ARPP21: variants seen among roughly 807,000 people sequenced by gnomAD.
The protein encoded by ARPP21 is cAMP regulated phosphoprotein 21.
In ARPP21, 69 loss-of-function variants were observed where a neutral mutation model predicts 113.2. The ratio of observed to expected loss-of-function variants is 0.61; its 90% CI spans 0.50 to 0.74. The LOEUF (loss-of-function observed/expected upper bound fraction) is 0.74, where lower values mean the gene tolerates loss of function less well. Ranked by LOEUF, ARPP21 falls within the 30% of genes least tolerant of loss-of-function variation. ARPP21 has a pLI of 0.00. For synonymous variants in ARPP21, 368 were observed against 375.5 expected (o/e 0.98, Z 0.23); for missense variants, 1,070 against 1,037.4 (o/e 1.03, Z -0.43).
chr3:35,648,740 A>G (rs918270188), intron 1 of ARPP21, among the ~76,000 whole-genome samples: 1 of 152,192 alleles, frequency 6.6e-6, no homozygotes, highest in African/African-American at 2.4e-5. Context: ...TATTCAACAC[A>G]GGAGAAGGTG....
At position 35,738,289 on chromosome 3, in the gene ARPP21, C is replaced by A; in HGVS notation, c.1720C>A (p.Pro574Thr). The change falls in exon 17 of 21, where the codon CCT becomes ACT. Residue 574 changes from proline (P) to threonine (T), a missense_variant. By Grantham distance (38) the Pro-to-Thr change is conservative. Coordinates refer to ENST00000684406, the MANE Select transcript of ARPP21 (RefSeq NM_001385562.1). ...CTCTTTTCCTCCCCAGCACCTCCTA[C>A]CTGTGTCTCCAACGCAGCACTTTCC... ...AVSFPPQHLL[P>T]VSPTQHFPMR... 1 of 1,535,444 alleles carries A rather than the reference C, an allele frequency of 6.5e-7. No individual in the cohort carries two copies. Among genetic ancestry groups the A allele is most frequent in the Non-Finnish European group, 8.7e-7 (1 of 1,146,136 alleles).
At chr3:35,709,207 G>A (rs2090260347) in intron 11 of ARPP21, 137 bp downstream of exon 11, 1 of 647,820 alleles carries the variant, frequency 1.5e-6, no homozygotes, top group African/African-American at 1.8e-5. Flanking sequence ...AAAACTAGAG[G>A]TGATTTTGGA....
chr3:35,648,237 T>A (rs1437623849), intron 1 of ARPP21, among the ~76,000 whole-genome samples: 1 of 152,152 alleles, frequency 6.6e-6, no homozygotes, highest in African/African-American at 2.4e-5. Flanking sequence ...AGGGAAGAAA[T>A]GGTCTAATTC....
chr3:35,651,899 GT>G (rs1314194697), intron 1 of ARPP21: 3 of 151,998 alleles, frequency 2.0e-5, no homozygotes, highest in African/African-American at 7.2e-5. Context: ...ATTGGAATCC[GT>G]TTTCAACACA....
chr3:35,736,121 T>C (rs1015049643), intron 15 of ARPP21, among the ~76,000 whole-genome samples: 1 of 152,202 alleles, frequency 6.6e-6, no homozygotes, highest in Non-Finnish European at 1.5e-5. Context: ...TCTCACTTAC[T>C]GTTTTTTTAT....
chr3:35,683,910 A>T (rs2079742449), intron 5 of ARPP21, 95 bp downstream of exon 5: 1 of 999,116 alleles, frequency 1.0e-6, no homozygotes, highest in Admixed American at 1.8e-5. Flanking sequence ...TTTGGGGGAG[A>T]AAAATATAAT....
intron 19 of ARPP21, among the ~76,000 whole-genome samples, chr3:35,788,998 T>C (rs948197776): frequency 2.0e-5 from 3 of 152,198 alleles, no homozygotes; most frequent in Non-Finnish European, 2.9e-5. Flanking sequence ...GACTTGAAAA[T>C]TGAATCGATC....
At chr3:35,697,578 T>C (rs2084549088) in intron 9 of ARPP21, among the ~76,000 whole-genome samples, 1 of 151,566 alleles carries the variant, frequency 6.6e-6, no homozygotes, top group South Asian at 2.1e-4. Context: ...TAAGAACCCC[T>C]GAAGTGATGG....
chr3:35,655,395 A>T (rs1250301570), intron 1 of ARPP21, among the ~76,000 whole-genome samples: 1 of 151,968 alleles, frequency 6.6e-6, no homozygotes, highest in East Asian at 1.9e-4. Flanking sequence ...GCTAATAAAC[A>T]ATATCCCATT....
chr3:35,776,415 C>T (rs1425557718), intron 19 of ARPP21, among the ~76,000 whole-genome samples: 2 of 152,114 alleles, frequency 1.3e-5, no homozygotes, highest in Non-Finnish European at 1.5e-5. Context: ...ATGACAGCAG[C>T]TGGCCAGGGA....
At chr3:35,744,416 T>G (rs551097700) in intron 19 of ARPP21, 4 of 494,836 alleles carry the variant, frequency 8.1e-6, no homozygotes, top group African/African-American at 8.0e-5. Flanking sequence ...GGTGGAACTC[T>G]GACTCCATGG....
chr3:35,642,385 T>C (rs761938082), intron 1 of ARPP21: 3 of 152,284 alleles, frequency 2.0e-5, no homozygotes, highest in Admixed American at 6.5e-5. Context: ...TGGTTATGGA[T>C]ACTGGACAAG....
chr3:35,675,739 G>T (rs1442117189), intron 1 of ARPP21, among the ~76,000 whole-genome samples: 1 of 151,614 alleles, frequency 6.6e-6, no homozygotes, highest in Admixed American at 6.6e-5. Flanking sequence ...TTTTATTCTT[G>T]CCGTGTCCAC....
chr3:35,729,169 G>A, intron 14 of ARPP21, 134 bp from the exon 15 acceptor site: 1 of 617,304 alleles, frequency 1.6e-6, no homozygotes, highest in Non-Finnish European at 2.9e-6. Flanking sequence ...AGGGGCATTA[G>A]TTAATCTCAT....
intron 15 of ARPP21, among the ~76,000 whole-genome samples, chr3:35,730,097 T>C (rs913557969): frequency 5.3e-5 from 8 of 152,338 alleles, no homozygotes; most frequent in Non-Finnish European, 8.8e-5. Context: ...ATTATGTATT[T>C]TAGAAATGTC....
At chr3:35,740,146 T>C (rs2094569913) in intron 18 of ARPP21, among the ~76,000 whole-genome samples, 2 of 152,220 alleles carry the variant, frequency 1.3e-5, no homozygotes, top group African/African-American at 4.8e-5. Context: ...TTAATCATAT[T>C]TAATTGACTT....
rs1460779945 is a variant in ARPP21 at position 35,721,748 on chromosome 3, A to C, written c.1139A>C (p.Lys380Thr). 1 of 1,613,906 alleles carries C rather than the reference A, an allele frequency of 6.2e-7. No individual in the cohort carries two copies. The highest frequency in any genetic ancestry group is 2.2e-5 in the East Asian group (1 of 44,866). ...SNRNLKPAMTKTASFGGITVL... is the reference protein window; with the variant it reads ...SNRNLKPAMTTTASFGGITVL... The stretch of plus-strand genomic sequence containing the variant: ...CGCAATCTAAAGCCCGCCATGACCA[A>C]GACGGCGAGTTTTGGGGGCATCACG... The change falls in exon 14 of 21, where the codon AAG becomes ACG. Residue 380 changes from lysine to threonine, a missense_variant. Physicochemically the swap from Lys to Thr is moderately conservative, Grantham distance 78 (BLOSUM62 -1). Transcript: ENST00000684406.
At chr3:35,716,783 T>A (rs1228608861) in intron 12 of ARPP21, among the ~76,000 whole-genome samples, 1 of 151,978 alleles carries the variant, frequency 6.6e-6, no homozygotes, top group African/African-American at 2.4e-5. Context: ...GTCCCTTATA[T>A]TATGTTGGAT....
At chr3:35,672,484 C>A (rs2076572913) in intron 1 of ARPP21, among the ~76,000 whole-genome samples, 1 of 151,974 alleles carries the variant, frequency 6.6e-6, no homozygotes, top group Non-Finnish European at 1.5e-5. Context: ...GATATCTTGG[C>A]CTTTAGGTGG....
Sources: allele counts gnomAD v4.1 joint callset (sites outside exome capture counted in the v4.1 genomes callset), GRCh38; gene constraint gnomAD v4.1.1; transcripts MANE v1.5; gene names NCBI Gene and HGNC (gene_info 2026-07-23, HGNC 2026-07-21).